The following NCKAP5 variants were observed in gnomAD, a reference collection of about 807,000 sequenced individuals.
NCKAP5 encodes the protein NCK associated protein 5, also known as nck-associated protein 5.
NCKAP5 carries 92 observed loss-of-function variants against 167.0 expected under a neutral mutation model. That is an observed-to-expected ratio of 0.55 (90% confidence interval 0.47 to 0.66). The LOEUF (loss-of-function observed/expected upper bound fraction) is 0.66, where lower values mean the gene tolerates loss of function less well. Among genes scored for constraint, NCKAP5 ranks in the 30% least tolerant of loss-of-function variants. The pLI is 0.00. For missense variants in NCKAP5, 2,378 were observed against 2,315.0 expected (o/e 1.03, Z -0.56); for synonymous variants, 891 against 877.4 (o/e 1.02, Z -0.27).
chr2:132,704,952 A>G lies in NCKAP5; in HGVS notation c.5713+20675T>C, dbSNP rs983499243. On this transcript the variant is annotated intron_variant, in intron 19 of 19. Coordinates refer to ENST00000409261, the MANE Select transcript of NCKAP5 (RefSeq NM_207363.3). ...TCCATTCCCTCTCCTCCTTTCCCAG[A>G]CTATTTCACACTTTCTCTTGCTTCT... Among the ~76,000 whole-genome samples the G allele has an allele frequency of 3.9e-5, 6 of 152,246 alleles. No individual in the cohort carries two copies. The South Asian group carries it at 1.2e-3, about 32-fold the overall frequency.
At chr2:132,816,530 G>A (rs1166119952) in intron 11 of NCKAP5, among the ~76,000 whole-genome samples, 4 of 152,090 alleles carry the variant, frequency 2.6e-5, no homozygotes, top group South Asian at 2.1e-4. Flanking sequence ...CAGGAAGTAC[G>A]GGAGGACTTC....
At chr2:133,625,362 G>A in the NCKAP5 span, among the ~76,000 whole-genome samples, 9 of 152,120 alleles carry the variant, frequency 5.9e-5, no homozygotes, top group Non-Finnish European at 8.8e-5. Context: ...CAGCCCACTC[G>A]TACTAACCTC....
intron 3 of NCKAP5, among the ~76,000 whole-genome samples, chr2:133,367,237 G>A (rs1045025823): frequency 1.8e-4 from 27 of 152,114 alleles, no homozygotes; most frequent in Non-Finnish European, 2.9e-5. Flanking sequence ...TGGTATCATG[G>A]AACCTAAGAA....
Position 133,399,497 on chromosome 2 carries a change from C to A in NCKAP5, c.70-96387G>T, listed in dbSNP as rs117789285. On this transcript the variant is annotated intron_variant, in intron 3 of 19. Coordinates refer to ENST00000409261, the MANE Select transcript of NCKAP5 (RefSeq NM_207363.3). ...CTAAGATTCTGTACATATAGATAGG[C>A]AAGAATTCAAATTGCCAAAGCCAAC... Among the ~76,000 whole-genome samples, 28 of 152,140 alleles carry A rather than the reference C, an allele frequency of 1.8e-4. No homozygotes were observed. In the East Asian group the frequency reaches 4.8e-3, roughly 26 times the overall value.
chr2:133,578,157 G>T, the NCKAP5 span, among the ~76,000 whole-genome samples: 7 of 152,108 alleles, frequency 4.6e-5, no homozygotes, highest in African/African-American at 1.7e-4. Context: ...CCCATGTAAA[G>T]ATTCTGTGTG....
At chr2:133,227,995 A>G (rs748639105) in intron 4 of NCKAP5, among the ~76,000 whole-genome samples, 4 of 152,206 alleles carry the variant, frequency 2.6e-5, no homozygotes, top group African/African-American at 7.2e-5. Context: ...TGACACTCCA[A>G]CGATGCCCTA....
intron 3 of NCKAP5, among the ~76,000 whole-genome samples, chr2:133,491,296 T>C (rs968450369): frequency 6.6e-6 from 1 of 152,218 alleles, no homozygotes; most frequent in African/African-American, 2.4e-5. Context: ...ACCATTGTTC[T>C]GAATCCAACT....
chr2:132,960,936 A>T (rs1558992375), intron 8 of NCKAP5, among the ~76,000 whole-genome samples: 1 of 152,206 alleles, frequency 6.6e-6, no homozygotes, highest in African/African-American at 2.4e-5. Context: ...CATTTCAAAA[A>T]TACGCTGATG....
intron 7 of NCKAP5, among the ~76,000 whole-genome samples, chr2:132,976,772 A>AT (rs1165644249): frequency 5.9e-5 from 9 of 151,826 alleles, no homozygotes; most frequent in African/African-American, 1.9e-4. Flanking sequence ...ATACAATTTT[A>AT]TTTTTTCAAG....
At chr2:132,728,171 G>A (rs1034328819) in intron 18 of NCKAP5, among the ~76,000 whole-genome samples, 1 of 152,084 alleles carries the variant, frequency 6.6e-6, no homozygotes, top group African/African-American at 2.4e-5. Flanking sequence ...GGCTGACCAT[G>A]GTCAGAGTAA....
intron 5 of NCKAP5, among the ~76,000 whole-genome samples, chr2:133,207,184 C>T (rs1418802886): frequency 6.6e-6 from 1 of 152,054 alleles, no homozygotes; most frequent in Non-Finnish European, 1.5e-5. Flanking sequence ...TTTTGTGGCT[C>T]AGGGTTGTCA....
intron 2 of NCKAP5, among the ~76,000 whole-genome samples, chr2:133,544,537 A>G (rs935550167): frequency 5.3e-5 from 8 of 152,164 alleles, no homozygotes; most frequent in African/African-American, 1.9e-4. Flanking sequence ...CTCTTCTTCA[A>G]TTCTTTAATG....
Position 133,249,998 on chromosome 2 carries a change from TTTATTA to T in NCKAP5, c.144-36225_144-36220del, listed in dbSNP as rs10685479. On this transcript the variant is annotated intron_variant, in intron 4 of 19. Transcript: ENST00000409261. ...AACATGTAAAGCCACCACCAAGGGTTTTATTATTATTATTATTATTATTATTATTAT... is the reference window on the plus strand; with the variant it reads ...AACATGTAAAGCCACCACCAAGGGTTTTATTATTATTATTATTATTATTAT... 3.1e-3 allele frequency among the ~76,000 whole-genome samples: 429 copies of T among 138,216 alleles called. 3 individuals are homozygous for T. Among genetic ancestry groups the T allele is most frequent in the African/African-American group, 0.01 (384 of 37,316 alleles). The allele number at this position is 138,216 out of a possible 152,430, so 90.7% of individuals were successfully genotyped here.
intron 11 of NCKAP5, among the ~76,000 whole-genome samples, chr2:132,815,541 T>A (rs1686200704): frequency 6.6e-6 from 1 of 152,210 alleles, no homozygotes. Context: ...TACATATAAA[T>A]CTATAGTGTT....
intron 3 of NCKAP5, among the ~76,000 whole-genome samples, chr2:133,493,428 C>A (rs1382340679): frequency 6.6e-6 from 1 of 152,168 alleles, no homozygotes; most frequent in Admixed American, 6.5e-5. Context: ...ATGACTTTGG[C>A]AAGCATATGA....
the NCKAP5 span, among the ~76,000 whole-genome samples, chr2:133,647,865 A>G: frequency 6.6e-6 from 1 of 152,132 alleles, no homozygotes; most frequent in Non-Finnish European, 1.5e-5. Context: ...CAACTTACAA[A>G]TGGCAATAGC....
chr2:132,829,672 T>C (rs1196476901), intron 11 of NCKAP5, among the ~76,000 whole-genome samples: 1 of 152,058 alleles, frequency 6.6e-6, no homozygotes, highest in Non-Finnish European at 1.5e-5. Flanking sequence ...CAGGATTACC[T>C]GGAGGGCTTG....
chr2:133,035,089 A>T (rs1402695456), intron 6 of NCKAP5, among the ~76,000 whole-genome samples: 2 of 152,062 alleles, frequency 1.3e-5, no homozygotes, highest in African/African-American at 2.4e-5. Flanking sequence ...TGCCAAAGGA[A>T]ATCAAAAAAG....
At chr2:132,817,029 C>G (rs1356684568) in intron 11 of NCKAP5, among the ~76,000 whole-genome samples, 1 of 152,192 alleles carries the variant, frequency 6.6e-6, no homozygotes, top group Non-Finnish European at 1.5e-5. Flanking sequence ...CCACGTGGTA[C>G]TGGTAACACA....
Sources: gnomAD v4.1 joint callset for allele counts (sites outside exome capture counted in the v4.1 genomes callset) on GRCh38, gnomAD v4.1.1 for gene constraint, MANE v1.5 for transcripts, NCBI Gene and HGNC (gene_info 2026-07-23, HGNC 2026-07-21) for gene names.